The following HIBADH variants were observed in gnomAD, a reference collection of about 807,000 sequenced individuals.
HIBADH encodes 3-hydroxyisobutyrate dehydrogenase, mitochondrial.
A neutral mutation model predicts 36.1 loss-of-function variants in HIBADH; 25 were observed. The ratio of observed to expected loss-of-function variants is 0.69; its 90% CI spans 0.50 to 0.97. HIBADH has a LOEUF of 0.97. Among genes scored for constraint, HIBADH ranks in the 50% least tolerant of loss-of-function variants. The pLI, the probability that HIBADH is intolerant of heterozygous loss-of-function variation, is 0.00. For synonymous variants in HIBADH, 160 were observed against 149.5 expected (o/e 1.07, Z -0.51); for missense variants, 421 against 418.0 (o/e 1.01, Z -0.06).
rs576011814 is a variant in HIBADH at position 27,629,449 on chromosome 7, C to T, written c.406G>A (p.Asp136Asn). The stretch of plus-strand genomic sequence containing the variant: ...GCCAATTCTTTTGAAACTGCAGGAT[C>T]AATAGTGCTGGAATCTATTAATAAT... Reference protein sequence around the residue: ...GSLLIDSSTIDPAVSKELAKE... With the variant: ...GSLLIDSSTINPAVSKELAKE... The change falls in exon 4 of 8, where the codon GAT becomes AAT. Residue 136 changes from aspartate (D) to asparagine (N), a missense_variant. Coordinates refer to ENST00000265395, the MANE Select transcript of HIBADH (RefSeq NM_152740.4). 1.2e-6 allele frequency: 2 copies of T among 1,608,154 alleles called. No individual in the cohort carries two copies. The highest frequency in any genetic ancestry group is 2.2e-5 in the East Asian group (1 of 44,666).
intron 4 of HIBADH, among the ~76,000 whole-genome samples, chr7:27,614,505 A>G (rs1293184366): frequency 1.3e-5 from 2 of 152,216 alleles, no homozygotes; most frequent in Non-Finnish European, 2.9e-5. Flanking sequence ...TATTGTCTAC[A>G]AGGAGATATA....
intron 4 of HIBADH, among the ~76,000 whole-genome samples, chr7:27,553,625 G>A (rs772116640): frequency 6.6e-6 from 1 of 152,162 alleles, no homozygotes; most frequent in Non-Finnish European, 1.5e-5. Flanking sequence ...GCAAATCAGA[G>A]ATGAAATGGT....
intron 4 of HIBADH, among the ~76,000 whole-genome samples, chr7:27,602,941 C>G (rs1301906050): frequency 6.6e-6 from 1 of 152,092 alleles, no homozygotes; most frequent in Non-Finnish European, 1.5e-5. Context: ...AAAGAGATAC[C>G]CAGCATTGTT....
At chr7:27,611,995 CT>C (rs577148542) in intron 4 of HIBADH, among the ~76,000 whole-genome samples, 18 of 149,564 alleles carry the variant, frequency 1.2e-4, no homozygotes, top group Non-Finnish European at 2.2e-4. Context: ...GTTACTCTTC[CT>C]TTTTTTTTTC....
At chr7:27,568,905 CT>C (rs70994660) in intron 4 of HIBADH, among the ~76,000 whole-genome samples, 4 of 144,680 alleles carry the variant, frequency 2.8e-5, no homozygotes, top group Non-Finnish European at 4.5e-5. Flanking sequence ...TTTCAGCCAC[CT>C]TTTTTTTTTT....
At chr7:27,598,782 T>C (rs1478713678) in intron 4 of HIBADH, among the ~76,000 whole-genome samples, 1 of 151,860 alleles carries the variant, frequency 6.6e-6, no homozygotes, top group African/African-American at 2.4e-5. Context: ...TAGACAGGAA[T>C]TGCTTCAATA....
intron 4 of HIBADH, among the ~76,000 whole-genome samples, chr7:27,584,141 T>C (rs965126667): frequency 6.6e-6 from 1 of 152,058 alleles, no homozygotes; most frequent in African/African-American, 2.4e-5. Context: ...ATCCTTCTTT[T>C]ATATTAAACC....
At chr7:27,542,492 G>A (rs1199655176) in intron 5 of HIBADH, among the ~76,000 whole-genome samples, 2 of 124,942 alleles carry the variant, frequency 1.6e-5, no homozygotes, top group Non-Finnish European at 3.1e-5. Context: ...TATCACCCAG[G>A]CTGACTGCAG....
At chr7:27,657,810 T>C (rs542514632) in intron 1 of HIBADH, among the ~76,000 whole-genome samples, 10 of 152,198 alleles carry the variant, frequency 6.6e-5, no homozygotes, top group East Asian at 1.9e-4. Context: ...ATGTATACCA[T>C]TGAAGTTACA....
At chr7:27,550,127 T>C (rs1178859296) in intron 4 of HIBADH, among the ~76,000 whole-genome samples, 3 of 152,140 alleles carry the variant, frequency 2.0e-5, no homozygotes, top group Non-Finnish European at 4.4e-5. Flanking sequence ...GCCAGGATGG[T>C]CTCGATCTCT....
At chr7:27,656,663 C>T (rs1002061480) in intron 1 of HIBADH, among the ~76,000 whole-genome samples, 22 of 152,116 alleles carry the variant, frequency 1.4e-4, no homozygotes, top group African/African-American at 4.3e-4. Flanking sequence ...ACTACTGGGT[C>T]GGAGTTGAAG....
At chr7:27,567,662 C>T (rs182118343) in intron 4 of HIBADH, among the ~76,000 whole-genome samples, 31 of 151,368 alleles carry the variant, frequency 2.0e-4, no homozygotes, top group East Asian at 5.9e-4. Context: ...TGCGTGCACA[C>T]GTGTGTGACT....
chr7:27,619,063 C>A (rs1462176698), intron 4 of HIBADH, among the ~76,000 whole-genome samples: 1 of 152,154 alleles, frequency 6.6e-6, no homozygotes, highest in Non-Finnish European at 1.5e-5. Flanking sequence ...GGGAACAAAG[C>A]ATGCACAGCC....
intron 4 of HIBADH, among the ~76,000 whole-genome samples, chr7:27,613,661 T>G (rs929907594): frequency 7.9e-5 from 5 of 63,414 alleles, no homozygotes; most frequent in East Asian, 1.4e-3. Context: ...TGTGGGTTTT[T>G]TTTGTTTTTT....
intron 4 of HIBADH, among the ~76,000 whole-genome samples, chr7:27,627,754 A>C (rs1217627590): frequency 1.3e-5 from 2 of 152,176 alleles, no homozygotes; most frequent in Non-Finnish European, 2.9e-5. Flanking sequence ...AATTACCACA[A>C]ATCATCCCTG....
intron 4 of HIBADH, among the ~76,000 whole-genome samples, chr7:27,583,564 AAACC>A (rs1784821228): frequency 6.6e-6 from 1 of 152,070 alleles, no homozygotes; most frequent in Non-Finnish European, 1.5e-5. Flanking sequence ...TATTGTTTCA[AAACC>A]TGCTTTTACT....
intron 2 of HIBADH, among the ~76,000 whole-genome samples, chr7:27,643,073 T>C (rs910209286): frequency 6.6e-6 from 1 of 152,242 alleles, no homozygotes; most frequent in African/African-American, 2.4e-5. Flanking sequence ...TGGAATCACA[T>C]ATTTGTGTAA....
chr7:27,651,365 CACTGGTATAAT>C (rs1786191864), intron 1 of HIBADH, among the ~76,000 whole-genome samples: 2 of 151,772 alleles, frequency 1.3e-5, no homozygotes, highest in African/African-American at 4.8e-5. Context: ...TATAATAGTA[CACTGGTATAAT>C]AGTACACTGG....
At chr7:27,534,041 A>G (rs1334996538) in intron 6 of HIBADH, among the ~76,000 whole-genome samples, 1 of 152,226 alleles carries the variant, frequency 6.6e-6, no homozygotes, top group Non-Finnish European at 1.5e-5. Flanking sequence ...AACAGAATGA[A>G]TTCATCGCTC....
Sources: allele counts gnomAD v4.1 joint callset (sites outside exome capture counted in the v4.1 genomes callset), GRCh38; gene constraint gnomAD v4.1.1; transcripts MANE v1.5; gene names NCBI Gene and HGNC (gene_info 2026-07-23, HGNC 2026-07-21).